The following CLPX variants were observed in gnomAD, a reference collection of about 807,000 sequenced individuals.
The protein encoded by CLPX is caseinolytic mitochondrial matrix peptidase chaperone subunit X.
Under a neutral mutation model 76.4 loss-of-function variants are expected in CLPX, and 34 were observed. The ratio of observed to expected loss-of-function variants is 0.45; its 90% CI spans 0.34 to 0.59. The LOEUF is 0.59. Ranked by LOEUF, CLPX falls within the 20% of genes least tolerant of loss-of-function variation. The pLI, the probability that CLPX is intolerant of heterozygous loss-of-function variation, is 0.01. For missense variants in CLPX, 613 were observed against 757.0 expected (o/e 0.81, Z 2.23); for synonymous variants, 248 against 270.9 (o/e 0.92, Z 0.83).
chr15:65,181,906 A>G (rs113415428), intron 1 of CLPX, among the ~76,000 whole-genome samples: 6,010 of 151,848 alleles, frequency 0.04, 235 homozygotes, highest in African/African-American at 0.1. Flanking sequence ...GGCAGATCAT[A>G]AGGTCAGGAG....
intron 13 of CLPX, among the ~76,000 whole-genome samples, chr15:65,151,824 C>T (rs1346185036): frequency 1.3e-5 from 2 of 152,134 alleles, no homozygotes; most frequent in African/African-American, 4.8e-5. Flanking sequence ...AGAAACCTAG[C>T]TTTTGTGTAG....
chr15:65,177,414 C>A (rs2088104424), intron 3 of CLPX, among the ~76,000 whole-genome samples: 1 of 152,018 alleles, frequency 6.6e-6, no homozygotes, highest in South Asian at 2.1e-4. Context: ...TGTTCAGAAC[C>A]CCTAATATTC....
At chr15:65,182,554 T>C (rs2088189397) in intron 1 of CLPX, among the ~76,000 whole-genome samples, 1 of 152,214 alleles carries the variant, frequency 6.6e-6, no homozygotes, top group African/African-American at 2.4e-5. Flanking sequence ...CTGATTTTGA[T>C]TGATGACAAA....
At chr15:65,160,765 T>C (rs780349740) in intron 6 of CLPX, among the ~76,000 whole-genome samples, 33 of 152,140 alleles carry the variant, frequency 2.2e-4, no homozygotes, top group Non-Finnish European at 3.2e-4. Flanking sequence ...AAAAAAGAAA[T>C]AATTTAAATG....
intron 3 of CLPX, among the ~76,000 whole-genome samples, chr15:65,174,409 T>C (rs2088058866): frequency 6.6e-6 from 1 of 151,754 alleles, no homozygotes; most frequent in Admixed American, 6.6e-5. Flanking sequence ...GGATTACAGG[T>C]ACGTGCCACC....
At chr15:65,162,325 C>T (rs983198493) in intron 6 of CLPX, among the ~76,000 whole-genome samples, 11 of 152,152 alleles carry the variant, frequency 7.2e-5, no homozygotes, top group African/African-American at 2.7e-4. Context: ...CTGCCTCCCC[C>T]AAATTCCTGT....
At chr15:65,153,325 CTATAGTTCCAG>C (rs2087748132) in intron 12 of CLPX, among the ~76,000 whole-genome samples, 1 of 152,010 alleles carries the variant, frequency 6.6e-6, no homozygotes, top group South Asian at 2.1e-4. Flanking sequence ...TGGTTCTTGC[CTATAGTTCCAG>C]CTACTTGGGA....
intron 3 of CLPX, among the ~76,000 whole-genome samples, chr15:65,177,871 C>T (rs752761483): frequency 6.6e-6 from 1 of 152,008 alleles, no homozygotes; most frequent in East Asian, 1.9e-4. Flanking sequence ...ATGGCTGGCT[C>T]GCTGCTGCCT....
At chr15:65,170,329 A>C in intron 3 of CLPX, among the ~76,000 whole-genome samples, 1 of 152,148 alleles carries the variant, frequency 6.6e-6, no homozygotes, top group East Asian at 1.9e-4. Flanking sequence ...AGAAAAAAAA[A>C]AATTCATGGA....
Position 65,150,634 on chromosome 15 carries a change from A to G in CLPX, c.*189T>C, listed in dbSNP as rs1390091869. The G allele has an allele frequency of 5.0e-6, 2 of 396,996 alleles. No individual in the cohort carries two copies. The highest frequency in any genetic ancestry group is 9.0e-6 in the Non-Finnish European group (2 of 223,288). The allele number at this position is 396,996 out of a possible 1,614,324, so 24.6% of individuals were successfully genotyped here. A position where few individuals can be genotyped will look rare whatever the true frequency, so the allele number is the denominator to read the frequency against. Reference sequence around the variant, plus strand: ...TAAACATTGTGTCATTAAAGTCCATATAACATCTTCCGTAAAATCAATGTG... The same window carrying G: ...TAAACATTGTGTCATTAAAGTCCATGTAACATCTTCCGTAAAATCAATGTG... On this transcript the variant is annotated 3_prime_UTR_variant, in exon 14 of 14. Transcript: ENST00000300107.
chr15:65,160,623 T>A (rs12902282), intron 6 of CLPX, among the ~76,000 whole-genome samples: 4,209 of 100,840 alleles, frequency 0.042, 68 homozygotes, highest in Non-Finnish European at 0.044. Context: ...TCTCTCTCTC[T>A]CACACACACA....
chr15:65,152,378 G>A lies in CLPX; in HGVS notation c.1811+52C>T, dbSNP rs1338202913. The A allele has an allele frequency of 4.3e-5, 31 of 724,670 alleles. No individual in the cohort carries two copies. The South Asian group carries it at 4.5e-4, about 10-fold the overall frequency. 44.9% of individuals were successfully genotyped at this position (724,670 alleles called of 1,614,324 possible). A position where few individuals can be genotyped will look rare whatever the true frequency, so the allele number is the denominator to read the frequency against. ...ATGACAAACCAATAAACATAGCAATGAGGAGCTCATCTTAAATTTTGTATC... is the reference window on the plus strand; with the variant it reads ...ATGACAAACCAATAAACATAGCAATAAGGAGCTCATCTTAAATTTTGTATC... On this transcript the variant is annotated intron_variant, in intron 13 of 13. Transcript: ENST00000300107.
chr15:65,155,917 A>T, intron 9 of CLPX, 61 bp from the exon 10 acceptor site: 2 of 1,398,950 alleles, frequency 1.4e-6, no homozygotes, highest in Non-Finnish European at 2.0e-6. Flanking sequence ...ATTATACTTT[A>T]GACAATAGGA....
At chr15:65,184,691 C>A (rs750706835) in intron 1 of CLPX, among the ~76,000 whole-genome samples, 1 of 152,214 alleles carries the variant, frequency 6.6e-6, no homozygotes, top group Admixed American at 6.5e-5. Flanking sequence ...GGCCAGGCTG[C>A]GGAAGAAGAG....
Position 65,185,108 on chromosome 15 carries a change from G to T in CLPX, c.46C>A (p.Leu16Ile), listed in dbSNP as rs1323049446. 5.1e-6 allele frequency: 8 copies of T among 1,583,832 alleles called. No individual in the cohort carries two copies. The highest frequency in any genetic ancestry group is 6.9e-6 in the Non-Finnish European group (8 of 1,166,100). ...GCGGAGGCGAGTGAGGAGGTGATGA[G>T]CCGGACGGCCGCCGCGCCGCAAGTA... ...ACTCGAAAVR[L>I]ITSSLASAQR... The change falls in exon 1 of 14, where the codon CTC (leucine) becomes ATC (isoleucine). Residue 16 changes from leucine (L) to isoleucine (I), a missense_variant. This residue lies in a region of CLPX where 163 missense variants were observed against 118.4 expected (regional missense o/e 1.38). Coordinates refer to ENST00000300107, the MANE Select transcript of CLPX (RefSeq NM_006660.5).
At chr15:65,152,611 T>A in intron 12 of CLPX, 75 bp from the exon 13 acceptor site, 1 of 574,382 alleles carries the variant, frequency 1.7e-6, no homozygotes, top group Non-Finnish European at 2.7e-6. Flanking sequence ...AAATCACAAA[T>A]TGGAATCCAT....
At chr15:65,155,929 T>A in intron 9 of CLPX, 73 bp from the exon 10 acceptor site, 1 of 1,296,562 alleles carries the variant, frequency 7.7e-7, no homozygotes. Flanking sequence ...ACAATAGGAT[T>A]AAATGGGGAA....
chr15:65,184,436 G>A (rs769852962), intron 1 of CLPX: 1 of 152,342 alleles, frequency 6.6e-6, no homozygotes, highest in Non-Finnish European at 1.5e-5. Context: ...CAACTCCTGC[G>A]GGACTTCTCC....
intron 7 of CLPX, chr15:65,158,357 T>C (rs1595937906): frequency 2.2e-6 from 1 of 451,040 alleles, no homozygotes; most frequent in Non-Finnish European, 3.9e-6. Context: ...TTTATTTTAT[T>C]ATTCCTGTGA....
Sources: gnomAD v4.1 joint callset for allele counts (sites outside exome capture counted in the v4.1 genomes callset) on GRCh38, gnomAD v4.1.1 for gene constraint, gnomAD v4.1.1 regional missense constraint, MANE v1.5 for transcripts, NCBI Gene and HGNC (gene_info 2026-07-23, HGNC 2026-07-21) for gene names.